The following SNRNP25 variants were observed in gnomAD, a reference collection of about 807,000 sequenced individuals.
SNRNP25 encodes small nuclear ribonucleoprotein U11/U12 subunit 25.
Under a neutral mutation model 23.9 loss-of-function variants are expected in SNRNP25, and 21 were observed. That is an observed-to-expected ratio of 0.88 (90% confidence interval 0.62 to 1.27). SNRNP25 has a LOEUF of 1.27. Ranked by LOEUF, SNRNP25 falls within the 50% of genes most tolerant of loss-of-function variation. SNRNP25 has a pLI of 0.00. For synonymous variants in SNRNP25, 63 were observed against 60.4 expected, an observed-to-expected ratio of 1.04 and a Z score of -0.20; for missense variants, 160 against 156.9, an observed-to-expected ratio of 1.02 and a Z score of -0.11.
intron 3 of SNRNP25, 130 bp downstream of exon 3, chr16:56,012 T>C: frequency 7.3e-6 from 6 of 827,402 alleles, no homozygotes; most frequent in Non-Finnish European, 9.7e-6. Context: ...AGTGATGAGC[T>C]CCCTGTCACA....
chr16:56,590 G>T lies in SNRNP25; in HGVS notation c.291G>T (p.Thr97=), dbSNP rs376195553. ...YHLTSAGEKL[T]EDRKKLRDYG... ...TGACCTCTGCAGGAGAGAAACTCAC[G>T]GAAGACAGAAAGAAGCTCCGAGAGT... The change falls in exon 4 of 5, where the codon ACG becomes ACT. Residue 97 remains threonine, a synonymous_variant. Transcript: ENST00000293861. 8 of 1,614,032 alleles carry T rather than the reference G, an allele frequency of 5.0e-6. No homozygotes were observed. The African/African-American group carries it at 9.3e-5, about 19-fold the overall frequency.
chr16:55,998 C>A (rs1276081035), intron 3 of SNRNP25, 116 bp downstream of exon 3: 1 of 908,288 alleles, frequency 1.1e-6, no homozygotes, highest in Non-Finnish European at 1.7e-6. Flanking sequence ...TACAGCACCA[C>A]TGAAGTGATG....
chr16:54,681 G>A (rs748022133), intron 1 of SNRNP25, among the ~76,000 whole-genome samples: 5 of 152,140 alleles, frequency 3.3e-5, no homozygotes, highest in Admixed American at 1.3e-4. Context: ...GTGTCAAAGC[G>A]TCAGTATCAT....
At chr16:54,392 G>A (rs1378376508) in intron 1 of SNRNP25, among the ~76,000 whole-genome samples, 1 of 152,112 alleles carries the variant, frequency 6.6e-6, no homozygotes, top group Non-Finnish European at 1.5e-5. Flanking sequence ...TGGGACCACA[G>A]GTGCGCGCTA....
intron 3 of SNRNP25, 149 bp downstream of exon 3, chr16:56,031 G>A: frequency 4.1e-6 from 3 of 739,042 alleles, no homozygotes; most frequent in East Asian, 2.7e-5. Context: ...CAAGAGTGAT[G>A]AGCTCCCTGT....
Position 55,480 on chromosome 16 carries a change from T to C in SNRNP25, c.64T>C (p.Ser22Pro). The C allele has an allele frequency of 6.2e-7, 1 of 1,614,144 alleles. No homozygotes were observed. The highest frequency in any genetic ancestry group is 8.5e-7 in the Non-Finnish European group (1 of 1,180,012). Residue 22 changes from serine (S) to proline (P), a missense_variant, in exon 2 of 5, where the codon TCC becomes CCC. Transcript: ENST00000293861. ...GTAGGTTACTCTGGAAGAAGTCAAC[T>C]CCCAAATAGCCCTAGAATACGGCCA... ...PIQVTLEEVN[S>P]QIALEYGQAM...
At chr16:56,913 G>A (rs531481390) in intron 4 of SNRNP25, among the ~76,000 whole-genome samples, 173 bp from the exon 5 acceptor site, 2 of 150,974 alleles carry the variant, frequency 1.3e-5, no homozygotes, top group South Asian at 2.1e-4. Context: ...GGGGACTTGT[G>A]AGTCGGAGTG....
At chr16:54,175 C>A in intron 1 of SNRNP25, 117 bp downstream of exon 1, 1 of 1,183,160 alleles carries the variant, frequency 8.5e-7, no homozygotes, top group Non-Finnish European at 1.2e-6. Flanking sequence ...GAGGAAGGCG[C>A]CTCTGGGCGT....
At chr16:56,963 C>A (rs1897420028) in intron 4 of SNRNP25, 123 bp from the exon 5 acceptor site, 3 of 1,102,888 alleles carry the variant, frequency 2.7e-6, no homozygotes, top group African/African-American at 1.6e-5. Flanking sequence ...CACTTCCTGG[C>A]CTTCCCAGAA....
At position 57,422 on chromosome 16, in the gene SNRNP25, A is replaced by G. The variant is rs1897428045; in HGVS notation, c.*279A>G. ...AGACCCACGGCCTGGCCCACTGTAT[A>G]AAATAAACCTGTTTGCTTCTTAGTT... On this transcript the variant is annotated 3_prime_UTR_variant, in exon 5 of 5. Coordinates refer to ENST00000293861, the MANE Select transcript of SNRNP25 (RefSeq NM_024571.4). The G allele has an allele frequency of 6.0e-6, 3 of 497,340 alleles. No homozygotes were observed. The highest frequency in any genetic ancestry group is 3.3e-5 in the Admixed American group (1 of 30,258). 30.8% of individuals were successfully genotyped at this position (497,340 alleles called of 1,614,324 possible).
At chr16:54,328 C>T (rs975414180) in intron 1 of SNRNP25, among the ~76,000 whole-genome samples, 2 of 152,224 alleles carry the variant, frequency 1.3e-5, no homozygotes, top group African/African-American at 4.8e-5. Context: ...GGTCTTGCTG[C>T]GTTGCCCGGG....
At chr16:56,179 C>G in intron 3 of SNRNP25, 1 of 644,468 alleles carries the variant, frequency 1.6e-6, no homozygotes, top group South Asian at 1.6e-5. Context: ...TCCAGTGTGT[C>G]TGGAAGTGGC....
intron 1 of SNRNP25, among the ~76,000 whole-genome samples, chr16:54,598 A>C (rs1897382994): frequency 6.6e-6 from 1 of 151,988 alleles, no homozygotes; most frequent in African/African-American, 2.4e-5. Flanking sequence ...CCTACGGTAA[A>C]AGAAAAATTT....
Position 54,593 on chromosome 16 carries a change from G to A in SNRNP25, c.42+535G>A, listed in dbSNP as rs541289907. On this transcript the variant is annotated intron_variant, in intron 1 of 4. Transcript: ENST00000293861. The stretch of plus-strand genomic sequence containing the variant: ...AAGTTGAGGCAAAAAAAGAGCCTAC[G>A]GTAAAAGAAAAATTTAGTTTTAAAT... 1.3e-4 allele frequency among the ~76,000 whole-genome samples: 20 copies of A among 152,036 alleles called. No homozygotes were observed. The South Asian group carries it at 3.1e-3, about 24-fold the overall frequency.
intron 4 of SNRNP25, 141 bp downstream of exon 4, chr16:56,754 A>G: frequency 2.2e-6 from 2 of 897,502 alleles, no homozygotes; most frequent in Non-Finnish European, 3.5e-6. Context: ...CCTCCCCACT[A>G]GGAGAATGGC....
chr16:54,353 C>T (rs905075352), intron 1 of SNRNP25, among the ~76,000 whole-genome samples: 2 of 152,008 alleles, frequency 1.3e-5, no homozygotes, highest in African/African-American at 4.8e-5. Flanking sequence ...AGTGCAGCGG[C>T]GTCCTCCCAC....
Position 53,889 on chromosome 16 carries a change from G to C in SNRNP25, c.-128G>C, listed in dbSNP as rs1259315566. On this transcript the variant is annotated 5_prime_UTR_variant, in exon 1 of 5. Transcript: ENST00000293861. ...CGGGCTGGCAGTGCGGGCAGAGCCC[G>C]GCTGAGAGGGGCGGCCCTGGAGGAG... 14 of 1,501,650 alleles carry C rather than the reference G, an allele frequency of 9.3e-6. No homozygotes were observed. The highest frequency in any genetic ancestry group is 1.3e-5 in the Non-Finnish European group (14 of 1,109,100). The allele number at this position is 1,501,650 out of a possible 1,614,324, so 93.0% of individuals were successfully genotyped here.
At chr16:54,379 A>G (rs1349001467) in intron 1 of SNRNP25, among the ~76,000 whole-genome samples, 6 of 152,152 alleles carry the variant, frequency 3.9e-5, no homozygotes, top group Middle Eastern at 3.4e-3. Context: ...CCTCCCGAGT[A>G]ATTGGGACCA....
chr16:57,043 CCTT>C, intron 4 of SNRNP25, 40 bp from the exon 5 acceptor site: 1 of 1,601,462 alleles, frequency 6.2e-7, no homozygotes, highest in Non-Finnish European at 8.6e-7. Flanking sequence ...ACAGATATGT[CCTT>C]CTGTAGGGCA....
Sources: allele counts gnomAD v4.1 joint callset (sites outside exome capture counted in the v4.1 genomes callset), GRCh38; gene constraint gnomAD v4.1.1; transcripts MANE v1.5; gene names NCBI Gene and HGNC (gene_info 2026-07-23, HGNC 2026-07-21).